RBMS3: variants seen among roughly 807,000 people sequenced by gnomAD.
RBMS3 encodes RNA-binding motif, single-stranded-interacting protein 3.
RBMS3 carries 27 observed loss-of-function variants against 66.8 expected under a neutral mutation model. The ratio of observed to expected loss-of-function variants is 0.40; its 90% CI spans 0.30 to 0.56. The LOEUF is 0.56. Among genes scored for constraint, RBMS3 ranks in the 20% least tolerant of loss-of-function variants. The pLI is 0.40. For missense variants in RBMS3, 513 were observed against 549.5 expected, an observed-to-expected ratio of 0.93 and a Z score of 0.66; for synonymous variants, 188 against 183.0, an observed-to-expected ratio of 1.03 and a Z score of -0.22.
intron 13 of RBMS3, among the ~76,000 whole-genome samples, chr3:29,989,352 G>C (rs1264152379): frequency 6.6e-6 from 1 of 152,088 alleles, no homozygotes; most frequent in Admixed American, 6.6e-5. Flanking sequence ...TCTTCTTTCT[G>C]GTTCTAGCCA....
chr3:29,388,654 C>T (rs1020439841), intron 1 of RBMS3, among the ~76,000 whole-genome samples: 1 of 152,138 alleles, frequency 6.6e-6, no homozygotes, highest in Non-Finnish European at 1.5e-5. Context: ...GGCTCACTGC[C>T]AGCTCTGCCT....
At chr3:29,910,991 C>A (rs533883884) in intron 10 of RBMS3, among the ~76,000 whole-genome samples, 1 of 152,000 alleles carries the variant, frequency 6.6e-6, no homozygotes, top group African/African-American at 2.4e-5. Flanking sequence ...GGTTTCCCTC[C>A]CAATAAGACT....
intron 1 of RBMS3, among the ~76,000 whole-genome samples, chr3:29,325,987 T>G (rs188589169): frequency 3.3e-5 from 5 of 152,302 alleles, no homozygotes; most frequent in Admixed American, 3.3e-4. Context: ...GTGGCAATCC[T>G]GAATCACCTT....
At chr3:29,518,477 T>C (rs2044727678) in intron 3 of RBMS3, among the ~76,000 whole-genome samples, 1 of 152,204 alleles carries the variant, frequency 6.6e-6, no homozygotes, top group Non-Finnish European at 1.5e-5. Flanking sequence ...TGTTAATAAA[T>C]GTGCATGGCT....
intron 3 of RBMS3, among the ~76,000 whole-genome samples, chr3:29,526,520 CAAAAAAAAAAAAAAAAAAAAAAAAAAAA>C (rs61483868): frequency 7.2e-4 from 26 of 35,948 alleles, no homozygotes; most frequent in Admixed American, 1.4e-3. Context: ...GACTCCATCT[CAAAAAAAAAAAAAAAAAAAAAAAAAAAA>C]AAAAAAAAAA....
At chr3:29,445,189 A>G (rs191794351) in intron 2 of RBMS3, among the ~76,000 whole-genome samples, 53 of 152,150 alleles carry the variant, frequency 3.5e-4, no homozygotes, top group African/African-American at 1.1e-3. Context: ...GTTCTAAGGT[A>G]GAGTTTGAGT....
chr3:29,685,010 T>C (rs1193972776), intron 4 of RBMS3, among the ~76,000 whole-genome samples: 1 of 152,130 alleles, frequency 6.6e-6, no homozygotes, highest in Non-Finnish European at 1.5e-5. Flanking sequence ...TTTTATATTT[T>C]TCAGGGGTAA....
At chr3:29,771,636 C>T (rs559972327) in intron 6 of RBMS3, among the ~76,000 whole-genome samples, 20 of 151,958 alleles carry the variant, frequency 1.3e-4, no homozygotes, top group South Asian at 2.1e-4. Context: ...AGTTTGTTCT[C>T]GCATTGATAT....
intron 11 of RBMS3, among the ~76,000 whole-genome samples, chr3:29,943,693 C>A (rs1359537432): frequency 1.3e-5 from 2 of 151,798 alleles, no homozygotes; most frequent in Admixed American, 1.3e-4. Context: ...CTGACAACCA[C>A]TGGGATCAGA....
At chr3:29,657,233 C>A (rs1053994689) in intron 4 of RBMS3, among the ~76,000 whole-genome samples, 5 of 152,170 alleles carry the variant, frequency 3.3e-5, no homozygotes, top group Non-Finnish European at 7.3e-5. Context: ...TATAATCTAC[C>A]AGGTATATGG....
At chr3:29,762,008 TA>T (rs1308996587) in intron 5 of RBMS3, among the ~76,000 whole-genome samples, 2 of 152,152 alleles carry the variant, frequency 1.3e-5, no homozygotes, top group Non-Finnish European at 2.9e-5. Flanking sequence ...AAAGGCCAGA[TA>T]TTATCCATTA....
chr3:29,673,795 C>T (rs904158393), intron 4 of RBMS3, among the ~76,000 whole-genome samples: 29 of 152,076 alleles, frequency 1.9e-4, no homozygotes, highest in South Asian at 6.2e-4. Context: ...CAGGACCAGA[C>T]GGATTCACAG....
intron 2 of RBMS3, among the ~76,000 whole-genome samples, chr3:29,447,801 C>G (rs147996365): frequency 2.2e-3 from 341 of 152,270 alleles, no homozygotes; most frequent in Non-Finnish European, 1.6e-3. Context: ...TTCTAATGTC[C>G]TTTCGAGCTC....
At chr3:29,634,669 C>G (rs1029908661) in intron 4 of RBMS3, among the ~76,000 whole-genome samples, 4 of 151,814 alleles carry the variant, frequency 2.6e-5, no homozygotes, top group Admixed American at 2.0e-4. Context: ...CCTTTCCCAT[C>G]TAGGTGTTTC....
chr3:29,396,744 T>C (rs2039567061), intron 1 of RBMS3, among the ~76,000 whole-genome samples: 1 of 152,166 alleles, frequency 6.6e-6, no homozygotes, highest in African/African-American at 2.4e-5. Context: ...GTACTATTTA[T>C]GCAACCTTTC....
intron 1 of RBMS3, among the ~76,000 whole-genome samples, chr3:29,288,021 C>G (rs1424029684): frequency 1.3e-5 from 2 of 151,822 alleles, no homozygotes; most frequent in Non-Finnish European, 2.9e-5. Context: ...TATGTGGAAT[C>G]ACGAATAAAA....
chr3:29,698,894 G>A (rs1424417257), intron 4 of RBMS3, among the ~76,000 whole-genome samples: 1 of 151,996 alleles, frequency 6.6e-6, no homozygotes, highest in Non-Finnish European at 1.5e-5. Flanking sequence ...TAGACTAATG[G>A]TAGCATACTA....
At chr3:29,470,298 T>C (rs867371388) in intron 2 of RBMS3, among the ~76,000 whole-genome samples, 115 of 152,094 alleles carry the variant, frequency 7.6e-4, no homozygotes, top group African/African-American at 2.2e-3. Context: ...TAACATGCAA[T>C]TGAAATTCTA....
At chr3:29,512,539 T>A (rs1049741385) in intron 3 of RBMS3, among the ~76,000 whole-genome samples, 3 of 152,150 alleles carry the variant, frequency 2.0e-5, no homozygotes, top group Non-Finnish European at 4.4e-5. Context: ...AACATAATTC[T>A]ATTTATTTAT....
Sources: gnomAD v4.1 joint callset for allele counts (sites outside exome capture counted in the v4.1 genomes callset) on GRCh38, gnomAD v4.1.1 for gene constraint, MANE v1.5 for transcripts, NCBI Gene and HGNC (gene_info 2026-07-23, HGNC 2026-07-21) for gene names.